THSD7B: variants seen among roughly 807,000 people sequenced by gnomAD.
THSD7B encodes the protein thrombospondin type-1 domain-containing protein 7B.
In THSD7B, 138 loss-of-function variants were observed where a neutral mutation model predicts 213.6. That is an observed-to-expected ratio of 0.65 (90% CI 0.56 to 0.74). THSD7B has a LOEUF of 0.74. THSD7B is among the 30% of genes least tolerant of loss of function. The pLI is 0.00. For missense variants in THSD7B, 1,931 were observed against 1,991.5 expected (o/e 0.97, Z 0.58); for synonymous variants, 742 against 687.0 (o/e 1.08, Z -1.25).
intron 1 of THSD7B, among the ~76,000 whole-genome samples, chr2:136,847,981 G>A (rs1683038197): frequency 6.6e-6 from 1 of 152,100 alleles, no homozygotes; most frequent in African/African-American, 2.4e-5. Flanking sequence ...CACCATACTG[G>A]GTTGTCTCTC....
intron 2 of THSD7B, among the ~76,000 whole-genome samples, chr2:136,911,323 T>G (rs1181499993): frequency 9.2e-5 from 14 of 152,236 alleles, no homozygotes; most frequent in Admixed American, 2.6e-4. Context: ...TTAATAATTC[T>G]TTGATCATCT....
chr2:137,092,424 T>TAAAATA (rs1020135463), intron 3 of THSD7B, among the ~76,000 whole-genome samples: 2 of 151,718 alleles, frequency 1.3e-5, no homozygotes, highest in Non-Finnish European at 2.9e-5. Flanking sequence ...AAAAAATAAA[T>TAAAATA]AAAATAAAAA....
intron 1 of THSD7B, among the ~76,000 whole-genome samples, chr2:136,846,736 G>A (rs1683015649): frequency 6.6e-6 from 1 of 152,150 alleles, no homozygotes; most frequent in Non-Finnish European, 1.5e-5. Context: ...CTTGGTAGGT[G>A]CAGAAGAAAA....
At chr2:137,341,540 GT>G (rs1684761596) in intron 12 of THSD7B, among the ~76,000 whole-genome samples, 1 of 151,470 alleles carries the variant, frequency 6.6e-6, no homozygotes. Context: ...ATGTCATGTA[GT>G]TTTTTTGTTG....
Position 137,170,865 on chromosome 2 carries a change from G to T in THSD7B, c.1650G>T (p.Gly550=). The T allele has an allele frequency of 1.2e-6, 2 of 1,613,604 alleles. No individual in the cohort carries two copies. The highest frequency in any genetic ancestry group is 1.7e-6 in the Non-Finnish European group (2 of 1,179,772). ...GCTACCGATGGCTGGCATCAGAAGG[G>T]ATCTGTTTCCCTGATCATGGAAAAT... ...PMCYRWLASE[G]ICFPDHGKCG... Residue 550 remains glycine (G), a synonymous_variant, in exon 7 of 28, where the codon GGG becomes GGT. Coordinates refer to ENST00000409968, the MANE Select transcript of THSD7B (RefSeq NM_001316349.2).
intron 2 of THSD7B, among the ~76,000 whole-genome samples, chr2:137,045,666 A>G (rs1029412390): frequency 1.1e-4 from 17 of 152,214 alleles, no homozygotes; most frequent in Non-Finnish European, 2.1e-4. Flanking sequence ...TTCTTCAAGG[A>G]AAAAGATAAT....
chr2:137,655,632 G>T lies in THSD7B; in HGVS notation c.4077G>T (p.Leu1359=), dbSNP rs1190436106. ...CGEMPFQDSI[L]KQLCSVPCPG... is the part of the protein sequence containing the mutation. ...AAATGCCCTTTCAGGACAGCATCCT[G>T]AAGCAGCTGTGTTCTGTGCCTTGCC... is the stretch of plus-strand genomic sequence containing the variant. Residue 1359 remains leucine (L), a synonymous_variant, in exon 22 of 28, where the codon CTG becomes CTT. Coordinates refer to ENST00000409968, the MANE Select transcript of THSD7B (RefSeq NM_001316349.2). The T allele has an allele frequency of 6.2e-7, 1 of 1,613,154 alleles. No homozygotes were observed. The highest frequency in any genetic ancestry group is 8.5e-7 in the Non-Finnish European group (1 of 1,179,640).
At chr2:137,284,442 C>T (rs1221047363) in intron 12 of THSD7B, among the ~76,000 whole-genome samples, 1 of 152,060 alleles carries the variant, frequency 6.6e-6, no homozygotes, top group African/African-American at 2.4e-5. Flanking sequence ...CTTCTGCTAG[C>T]TTTTGTATAT....
intron 1 of THSD7B, among the ~76,000 whole-genome samples, chr2:136,766,598 T>G (rs1354164319): frequency 6.6e-6 from 1 of 152,166 alleles, no homozygotes; most frequent in Non-Finnish European, 1.5e-5. Flanking sequence ...GGCGTTAAGC[T>G]CTCTCACTCT....
chr2:136,853,797 T>C, intron 1 of THSD7B, among the ~76,000 whole-genome samples: 1 of 152,214 alleles, frequency 6.6e-6, no homozygotes, highest in East Asian at 1.9e-4. Context: ...GAAATAATTT[T>C]CCCTTCCATC....
At chr2:137,049,262 G>A (rs143426078) in intron 2 of THSD7B, among the ~76,000 whole-genome samples, 7 of 151,566 alleles carry the variant, frequency 4.6e-5, no homozygotes, top group African/African-American at 1.7e-4. Context: ...CACACCAGCT[G>A]CACTCAAATC....
intron 2 of THSD7B, among the ~76,000 whole-genome samples, chr2:136,935,314 T>C (rs1290153018): frequency 6.6e-6 from 1 of 152,176 alleles, no homozygotes; most frequent in African/African-American, 2.4e-5. Context: ...ACTACACTTT[T>C]CTGAGCCTCA....
chr2:136,871,250 T>A (rs1373073292), intron 1 of THSD7B, among the ~76,000 whole-genome samples: 1 of 152,012 alleles, frequency 6.6e-6, no homozygotes, highest in East Asian at 1.9e-4. Flanking sequence ...CGAAGTCAGG[T>A]TGAAGATAGG....
At chr2:137,440,253 C>G (rs1032713495) in intron 14 of THSD7B, among the ~76,000 whole-genome samples, 7 of 151,990 alleles carry the variant, frequency 4.6e-5, no homozygotes, top group African/African-American at 1.4e-4. Flanking sequence ...TAAAGACTGC[C>G]TTTTTCATTA....
At chr2:137,284,561 A>T (rs1683121147) in intron 12 of THSD7B, among the ~76,000 whole-genome samples, 1 of 152,006 alleles carries the variant, frequency 6.6e-6, no homozygotes, top group African/African-American at 2.4e-5. Context: ...CCCTCTACAC[A>T]CTGCTTTGAA....
chr2:137,005,180 A>G (rs933886615), intron 2 of THSD7B, among the ~76,000 whole-genome samples: 1 of 152,192 alleles, frequency 6.6e-6, no homozygotes, highest in Non-Finnish European at 1.5e-5. Flanking sequence ...AGGCTTTTTC[A>G]ATGAAAATGT....
chr2:137,340,987 T>TG (rs1226615059), intron 12 of THSD7B, among the ~76,000 whole-genome samples: 2 of 149,622 alleles, frequency 1.3e-5, no homozygotes, highest in African/African-American at 4.9e-5. Flanking sequence ...TTTTGTTTTT[T>TG]TTTTTTTTTT....
chr2:137,490,727 T>C (rs944108910), intron 15 of THSD7B, among the ~76,000 whole-genome samples: 3 of 152,184 alleles, frequency 2.0e-5, no homozygotes, highest in African/African-American at 7.2e-5. Context: ...AGTGATAACT[T>C]TGCTAATCCT....
chr2:137,578,613 A>AG (rs2105242485), intron 17 of THSD7B, among the ~76,000 whole-genome samples: 1 of 152,346 alleles, frequency 6.6e-6, no homozygotes, highest in East Asian at 1.9e-4. Flanking sequence ...AGGTAACATT[A>AG]CTGCCTGCTA....
Sources: gnomAD v4.1 joint callset for allele counts (sites outside exome capture counted in the v4.1 genomes callset) on GRCh38, gnomAD v4.1.1 for gene constraint, MANE v1.5 for transcripts, NCBI Gene and HGNC (gene_info 2026-07-23, HGNC 2026-07-21) for gene names.